The following FAP variants were observed in gnomAD, a reference collection of about 807,000 sequenced individuals.
FAP encodes fibroblast activation protein alpha.
In FAP, 110 loss-of-function variants were observed where a neutral mutation model predicts 126.5. That is an observed-to-expected ratio of 0.87 (90% CI 0.74 to 1.02). The LOEUF (loss-of-function observed/expected upper bound fraction) is 1.02. FAP is among the 50% of genes least tolerant of loss of function. The pLI is 0.00. For missense variants in FAP, 919 were observed against 909.2 expected (o/e 1.01, Z -0.14); for synonymous variants, 334 against 297.3 (o/e 1.12, Z -1.27).
chr2:162,199,878 G>C (rs1688426952), intron 15 of FAP, among the ~76,000 whole-genome samples: 1 of 152,152 alleles, frequency 6.6e-6, no homozygotes, highest in Non-Finnish European at 1.5e-5. Flanking sequence ...CCCTATTCGG[G>C]TGGAACTTTG....
In FAP at chr2:162,218,112, G is replaced by C. The variant is rs375471906; in HGVS notation, c.636C>G (p.Leu212=). ...EEEMLATKYA[L]WWSPNGKFLA... is the part of the protein sequence containing the mutation. ...AAAATTTTCCATTAGGAGACCACCA[G>C]AGAGCATATTTTGTAGCAAGCATTT... The change falls in exon 9 of 26, where the codon CTC becomes CTG. Residue 212 remains leucine, a synonymous_variant. Coordinates refer to ENST00000188790, the MANE Select transcript of FAP (RefSeq NM_004460.5). 1.1e-4 allele frequency: 183 copies of C among 1,607,412 alleles called. No homozygotes were observed. The highest frequency in any genetic ancestry group is 1.5e-4 in the Non-Finnish European group (175 of 1,176,956).
In FAP at chr2:162,173,404, T is replaced by C. The variant is rs541732651; in HGVS notation, c.2035-183A>G. Reference sequence around the variant, plus strand: ...TGCATTACTTCCATCTGATTCTTAGTTTGAAAAACTGAAAGTTTATGTGTC... The same window carrying C: ...TGCATTACTTCCATCTGATTCTTAGCTTGAAAAACTGAAAGTTTATGTGTC... On this transcript the variant is annotated intron_variant, in intron 23 of 25. Transcript: ENST00000188790. 7.3e-4 allele frequency among the ~76,000 whole-genome samples: 111 copies of C among 152,178 alleles called. No individual in the cohort carries two copies. Among genetic ancestry groups the C allele is most frequent in the South Asian group, 1.2e-3 (6 of 4,820 alleles).
chr2:162,219,644 T>C (rs1689301380), intron 7 of FAP, among the ~76,000 whole-genome samples: 1 of 152,192 alleles, frequency 6.6e-6, no homozygotes, highest in South Asian at 2.1e-4. Context: ...TTTTGACTGC[T>C]ATATTTAAAG....
chr2:162,224,404 T>A (rs77692988), intron 5 of FAP, 62 bp downstream of exon 5: 992 of 1,016,188 alleles, frequency 9.8e-4, no homozygotes, highest in Admixed American at 1.7e-3. Context: ...TCACTTTTTT[T>A]AAACCACCTT....
intron 17 of FAP, among the ~76,000 whole-genome samples, chr2:162,192,735 T>C (rs1688097478): frequency 6.6e-6 from 1 of 152,076 alleles, no homozygotes; most frequent in Admixed American, 6.6e-5. Flanking sequence ...TAAAACAAAA[T>C]TCATCATCCT....
At chr2:162,187,033 T>C (rs1406890699) in intron 20 of FAP, among the ~76,000 whole-genome samples, 1 of 152,082 alleles carries the variant, frequency 6.6e-6, no homozygotes, top group Non-Finnish European at 1.5e-5. Flanking sequence ...TGTACTCAGA[T>C]AGACTTTTTT....
chr2:162,242,959 A>C lies in FAP; in HGVS notation c.40T>G (p.Ser14Ala). Reference sequence around the variant, plus strand: ...ATCACCAATAAGGCAAGCACAGCAGAGGTGGCAACTCCAAATACGATTTTT... The same window carrying C: ...ATCACCAATAAGGCAAGCACAGCAGCGGTGGCAACTCCAAATACGATTTTT... ...WVKIVFGVAT[S>A]AVLALLVMCI... The change falls in exon 2 of 26, where the codon TCT (serine) becomes GCT (alanine). Residue 14 changes from serine (S) to alanine (A), a missense_variant. By Grantham distance (99) the Ser-to-Ala change is moderately conservative. Coordinates refer to ENST00000188790, the MANE Select transcript of FAP (RefSeq NM_004460.5). 2 of 1,613,184 alleles carry C rather than the reference A, an allele frequency of 1.2e-6. No homozygotes were observed. Among genetic ancestry groups the C allele is most frequent in the African/African-American group, 1.3e-5 (1 of 75,018 alleles).
At chr2:162,186,823 T>C (rs948415434) in intron 20 of FAP, among the ~76,000 whole-genome samples, 15 of 151,990 alleles carry the variant, frequency 9.9e-5, no homozygotes, top group Admixed American at 7.9e-4. Context: ...AGGATGGCGT[T>C]AATATTCTCA....
intron 12 of FAP, among the ~76,000 whole-genome samples, chr2:162,207,199 C>T (rs1451759439): frequency 1.3e-5 from 2 of 152,004 alleles, no homozygotes; most frequent in South Asian, 2.1e-4. Flanking sequence ...TGAGTTATGG[C>T]TATATAAAAT....
At chr2:162,230,190 C>T (rs963658211) in intron 2 of FAP, among the ~76,000 whole-genome samples, 1 of 152,166 alleles carries the variant, frequency 6.6e-6, no homozygotes, top group Non-Finnish European at 1.5e-5. Context: ...TCCTGCTAAA[C>T]ATGACCACGT....
At chr2:162,221,581 T>C (rs1419566060) in intron 6 of FAP, 1 of 426,362 alleles carries the variant, frequency 2.3e-6, no homozygotes, top group Non-Finnish European at 4.7e-6. Context: ...CTCAAGCTAG[T>C]GCTCATGTTA....
chr2:162,189,279 A>G, intron 18 of FAP, 107 bp from the exon 19 acceptor site: 1 of 569,164 alleles, frequency 1.8e-6, no homozygotes, highest in Non-Finnish European at 3.0e-6. Context: ...CAACTACTAA[A>G]TTGTTAAGAA....
chr2:162,226,819 T>C lies in FAP; in HGVS notation c.92-198A>G, dbSNP rs188145023. ...TTTTGTAGATACAGTAATTAAGAAT[T>C]AGGGAGGTAGTTTCACTGCCTGGAA... On this transcript the variant is annotated intron_variant, in intron 2 of 25. Coordinates refer to ENST00000188790, the MANE Select transcript of FAP (RefSeq NM_004460.5). 1.1e-4 allele frequency among the ~76,000 whole-genome samples: 17 copies of C among 152,246 alleles called. No homozygotes were observed. In the East Asian group the frequency reaches 2.5e-3, roughly 22 times the overall value.
intron 2 of FAP, among the ~76,000 whole-genome samples, chr2:162,242,198 C>T (rs2106310726): frequency 6.6e-6 from 1 of 152,144 alleles, no homozygotes; most frequent in East Asian, 1.9e-4. Flanking sequence ...AAGCTATTTC[C>T]CTAATATCAC....
intron 2 of FAP, among the ~76,000 whole-genome samples, chr2:162,227,986 CGT>C (rs1559792486): frequency 6.6e-6 from 1 of 152,090 alleles, no homozygotes; most frequent in South Asian, 2.1e-4. Flanking sequence ...GGTTTGTAAT[CGT>C]GTGTATATTT....
chr2:162,204,578 A>T (rs1295149741), intron 12 of FAP, among the ~76,000 whole-genome samples: 2 of 152,200 alleles, frequency 1.3e-5, no homozygotes, highest in Non-Finnish European at 2.9e-5. Flanking sequence ...TACGGCTGTT[A>T]AACAAACAAT....
chr2:162,193,392 C>A (rs1688125893), intron 17 of FAP, among the ~76,000 whole-genome samples: 1 of 152,118 alleles, frequency 6.6e-6, no homozygotes, highest in South Asian at 2.1e-4. Flanking sequence ...TCTGACATAT[C>A]TGAGGGCGTA....
chr2:162,217,642 G>A (rs926876783), intron 9 of FAP, among the ~76,000 whole-genome samples: 11 of 152,132 alleles, frequency 7.2e-5, no homozygotes, highest in African/African-American at 2.4e-4. Flanking sequence ...GCATTTACAT[G>A]AGAATTCAAG....
At chr2:162,230,969 T>C (rs1234911885) in intron 2 of FAP, among the ~76,000 whole-genome samples, 1 of 152,164 alleles carries the variant, frequency 6.6e-6, no homozygotes, top group Non-Finnish European at 1.5e-5. Context: ...GGAGAAGAGA[T>C]TCCACATAAC....
Sources: allele counts gnomAD v4.1 joint callset (sites outside exome capture counted in the v4.1 genomes callset), GRCh38; gene constraint gnomAD v4.1.1; transcripts MANE v1.5; gene names NCBI Gene and HGNC (gene_info 2026-07-23, HGNC 2026-07-21).